CCDC39: variants seen among roughly 807,000 people sequenced by gnomAD.
The protein encoded by CCDC39 is coiled-coil domain-containing protein 39.
CCDC39 carries 113 observed loss-of-function variants against 121.0 expected under a neutral mutation model. That is an observed-to-expected ratio of 0.93 (90% CI 0.80 to 1.09). CCDC39 has a LOEUF of 1.09. Among genes scored for constraint, CCDC39 ranks in the 50% least tolerant of loss-of-function variants. The pLI is 0.00. For synonymous variants in CCDC39, 349 were observed against 352.2 expected (o/e 0.99, Z 0.10); for missense variants, 1,063 against 1,074.7 (o/e 0.99, Z 0.15).
Position 180,642,056 on chromosome 3 carries a change from T to C in CCDC39, c.1811A>G (p.Lys604Arg), listed in dbSNP as rs754728113. Residue 604 changes from lysine to arginine, a missense_variant, in exon 13 of 20, where the codon AAG (lysine) becomes AGG (arginine). Physicochemically the swap from Lys to Arg is conservative, Grantham distance 26. Coordinates refer to ENST00000476379, the MANE Select transcript of CCDC39 (RefSeq NM_181426.2). ...TAMEERTEEI[K>R]VHKTMLASQI... ...TGACGCAAGCATTGTTTTATGAACC[T>C]TGATTTCTTCAGTTCGCTCTTCCAT... 2.5e-6 allele frequency: 4 copies of C among 1,611,346 alleles called. No homozygotes were observed. In the African/African-American group the frequency reaches 5.3e-5, roughly 22 times the overall value.
intron 1 of CCDC39, among the ~76,000 whole-genome samples, chr3:180,674,392 G>T (rs551324215): frequency 6.6e-6 from 1 of 152,100 alleles, no homozygotes; most frequent in African/African-American, 2.4e-5. Context: ...AGACGATGGG[G>T]TTTTCTAGAT....
rs777030873 is a variant in CCDC39, at chr3:180,616,821, G to A, written c.2406+5C>T. On this transcript the variant is annotated splice_donor_5th_base_variant and intron_variant, in intron 17 of 19. Coordinates refer to ENST00000476379, the MANE Select transcript of CCDC39 (RefSeq NM_181426.2). ...GAAAGGTCAGTTTTTAAAAGATATC[G>A]ATACCTGTTTGGTCACTCTTTCTAA... 1.3e-5 allele frequency: 21 copies of A among 1,608,650 alleles called. No homozygotes were observed. Among genetic ancestry groups the A allele is most frequent in the Admixed American group, 3.4e-5 (2 of 59,614 alleles).
chr3:180,678,730 T>C (rs901697648), intron 1 of CCDC39, among the ~76,000 whole-genome samples: 2 of 152,146 alleles, frequency 1.3e-5, no homozygotes, highest in African/African-American at 4.8e-5. Context: ...AAATTTCTTA[T>C]GTTAATCTGT....
intron 14 of CCDC39, among the ~76,000 whole-genome samples, chr3:180,620,509 G>A (rs996614567): frequency 1.3e-5 from 2 of 151,986 alleles, no homozygotes; most frequent in African/African-American, 4.8e-5. Flanking sequence ...TTTCCTCTAA[G>A]AGTGGACATA....
intron 14 of CCDC39, among the ~76,000 whole-genome samples, chr3:180,624,505 G>A (rs2173303): frequency 0.033 from 4,938 of 151,860 alleles, 133 homozygotes; most frequent in East Asian, 0.1. Flanking sequence ...CTGTGTGGTC[G>A]TCTGTGTTTT....
intron 1 of CCDC39, among the ~76,000 whole-genome samples, chr3:180,678,117 T>C (rs1369137304): frequency 1.3e-5 from 2 of 152,138 alleles, no homozygotes; most frequent in Non-Finnish European, 2.9e-5. Context: ...AATTAGTTTG[T>C]TCATCTCCAT....
At chr3:180,640,328 A>G (rs760885681) in intron 13 of CCDC39, among the ~76,000 whole-genome samples, 1 of 152,156 alleles carries the variant, frequency 6.6e-6, no homozygotes, top group Admixed American at 6.6e-5. Flanking sequence ...TGCAGCTAAT[A>G]TAATACTTAG....
rs1717515257 is a variant in CCDC39 at position 180,624,630 on chromosome 3, A to G, written c.1999-4660T>C. 2.0e-5 allele frequency among the ~76,000 whole-genome samples: 3 copies of G among 152,064 alleles called. No individual in the cohort carries two copies. The South Asian group carries it at 6.2e-4, about 31-fold the overall frequency. ...TGTTTTCACGATGGTGAATACTGAC[A>G]TTTTGTTTCCATTTTAAAACTCCTT... On this transcript the variant is annotated intron_variant, in intron 14 of 19. Coordinates refer to ENST00000476379, the MANE Select transcript of CCDC39 (RefSeq NM_181426.2).
Position 180,619,894 on chromosome 3 carries a change from A to C in CCDC39, c.2075T>G (p.Ile692Ser), listed in dbSNP as rs777800918. ...DAKINKAEKEIYALENTLQVL... is the reference protein window; with the variant it reads ...DAKINKAEKESYALENTLQVL... ...TTGAAGGGTATTTTCTAGAGCGTAG[A>C]TTTCTTTTTCAGCTTTGTTGATCTT... The change falls in exon 15 of 20, where the codon ATC becomes AGC. Residue 692 changes from isoleucine to serine, a missense_variant. By Grantham distance (142) the Ile-to-Ser change is moderately radical. Coordinates refer to ENST00000476379, the MANE Select transcript of CCDC39 (RefSeq NM_181426.2). 6.2e-7 allele frequency: 1 copy of C among 1,610,520 alleles called. No homozygotes were observed. Among genetic ancestry groups the C allele is most frequent in the Admixed American group, 1.7e-5 (1 of 59,534 alleles).
In CCDC39 at chr3:180,673,511, T is replaced by C. The variant is rs537749103; in HGVS notation, c.90+5780A>G. Among the ~76,000 whole-genome samples, 93 of 152,290 alleles carry C rather than the reference T, an allele frequency of 6.1e-4. 1 individual carries two copies. Among genetic ancestry groups the C allele is most frequent in the Non-Finnish European group, 7.8e-4 (53 of 68,036 alleles). On this transcript the variant is annotated intron_variant, in intron 1 of 19. Transcript: ENST00000476379. ...TTTTTTAACAATAAAGTATTTTCAA[T>C]TAAGGTATGCACACGTTTTGAATTT... is the stretch of plus-strand genomic sequence containing the variant.
rs944653142 is a variant in CCDC39 at position 180,642,050 on chromosome 3, T to C, written c.1817A>G (p.His606Arg). 2 of 1,610,218 alleles carry C rather than the reference T, an allele frequency of 1.2e-6. No homozygotes were observed. Among genetic ancestry groups the C allele is most frequent in the African/African-American group, 1.3e-5 (1 of 74,806 alleles). ...TATTTGTGACGCAAGCATTGTTTTA[T>C]GAACCTTGATTTCTTCAGTTCGCTC... Reference protein sequence around the residue: ...MEERTEEIKVHKTMLASQIRY... With the variant: ...MEERTEEIKVRKTMLASQIRY... The change falls in exon 13 of 20, where the codon CAT (histidine) becomes CGT (arginine). Residue 606 changes from histidine (H) to arginine (R), a missense_variant. By Grantham distance (29) the His-to-Arg change is conservative. Transcript: ENST00000476379.
At chr3:180,659,851 A>C (rs1711698929) in intron 4 of CCDC39, 82 bp from the exon 5 acceptor site, 1 of 801,376 alleles carries the variant, frequency 1.2e-6, no homozygotes. Context: ...ATTAAATAGT[A>C]TTACACTATA....
intron 15 of CCDC39, 55 bp from the exon 16 acceptor site, chr3:180,619,420 T>C: frequency 2.3e-6 from 2 of 855,770 alleles, no homozygotes; most frequent in Non-Finnish European, 3.7e-6. Flanking sequence ...TAGAAATCAA[T>C]TTTAAAGTAT....
At chr3:180,665,978 A>C (rs957970672) in intron 1 of CCDC39, among the ~76,000 whole-genome samples, 2 of 152,186 alleles carry the variant, frequency 1.3e-5, no homozygotes, top group African/African-American at 4.8e-5. Flanking sequence ...TATACAACAT[A>C]AAATATTCCA....
Position 180,632,472 on chromosome 3 carries a change from A to G in CCDC39, c.1875-880T>C, listed in dbSNP as rs559219682. On this transcript the variant is annotated intron_variant, in intron 13 of 19. Coordinates refer to ENST00000476379, the MANE Select transcript of CCDC39 (RefSeq NM_181426.2). Reference sequence around the variant, plus strand: ...ACTGCTAGAGAAAACTCATGGTAAGATATATTTAGTGTCATAAGTTACAGT... The same window carrying G: ...ACTGCTAGAGAAAACTCATGGTAAGGTATATTTAGTGTCATAAGTTACAGT... Among the ~76,000 whole-genome samples, 26 of 152,252 alleles carry G rather than the reference A, an allele frequency of 1.7e-4. No individual in the cohort carries two copies. In the South Asian group the frequency reaches 5.0e-3, roughly 29 times the overall value.
At position 180,617,423 on chromosome 3, in the gene CCDC39, G is replaced by T. The variant is rs960006025; in HGVS notation, c.2266-457C>A. The T allele has an allele frequency of 8.9e-6, 6 of 672,486 alleles. No homozygotes were observed. The African/African-American group carries it at 1.1e-4, about 12-fold the overall frequency. 41.7% of individuals were successfully genotyped at this position (672,486 alleles called of 1,614,324 possible). On this transcript the variant is annotated intron_variant, in intron 16 of 19. Coordinates refer to ENST00000476379, the MANE Select transcript of CCDC39 (RefSeq NM_181426.2). ...AAAAGTTAACTATAAAACAGCCTCA[G>T]GCAGGTCCTTCAGGAGATATTCCAG...
rs1347216428 is a variant in CCDC39 at position 180,659,480 on chromosome 3, C to T, written c.710G>A (p.Arg237Lys). 2.5e-6 allele frequency: 4 copies of T among 1,613,424 alleles called. No individual in the cohort carries two copies. Among genetic ancestry groups the T allele is most frequent in the East Asian group, 2.2e-5 (1 of 44,792 alleles). The change falls in exon 6 of 20, where the codon AGG (arginine) becomes AAG (lysine). Residue 237 changes from arginine (R) to lysine (K), a missense_variant. Arg to Lys is a conservative substitution (Grantham distance 26). Coordinates refer to ENST00000476379, the MANE Select transcript of CCDC39 (RefSeq NM_181426.2). Reference sequence around the variant, plus strand: ...AGCACAGTTATCTATGTCTCCATCCCTCTTCTGCATCTGTTCTATTGTGTT... The same window carrying T: ...AGCACAGTTATCTATGTCTCCATCCTTCTTCTGCATCTGTTCTATTGTGTT... ...WENTIEQMQK[R>K]DGDIDNCALE...
chr3:180,670,639 C>CTTTTTTTTTTT (rs573623299), intron 1 of CCDC39, among the ~76,000 whole-genome samples: 8 of 120,348 alleles, frequency 6.6e-5, no homozygotes, highest in East Asian at 2.4e-4. Context: ...TTTTTTTTCT[C>CTTTTTTTTTTT]TTTTTTTTTT....
chr3:180,668,847 A>G (rs1711957352), intron 1 of CCDC39, among the ~76,000 whole-genome samples: 1 of 152,184 alleles, frequency 6.6e-6, no homozygotes, highest in Admixed American at 6.5e-5. Flanking sequence ...CAGAGAGAAC[A>G]GATATAGGAA....
Sources: gnomAD v4.1 joint callset for allele counts (sites outside exome capture counted in the v4.1 genomes callset) on GRCh38, gnomAD v4.1.1 for gene constraint, MANE v1.5 for transcripts, NCBI Gene and HGNC (gene_info 2026-07-23, HGNC 2026-07-21) for gene names.